The following CFAP221 variants were observed in gnomAD, a reference collection of about 807,000 sequenced individuals.
CFAP221 encodes the protein cilia and flagella associated protein 221.
Under a neutral mutation model 113.1 loss-of-function variants are expected in CFAP221, and 97 were observed. That is an observed-to-expected ratio of 0.86 (90% confidence interval 0.73 to 1.02). The LOEUF is 1.02. Ranked by LOEUF, CFAP221 falls within the 50% of genes least tolerant of loss-of-function variation. The pLI is 0.00. For synonymous variants in CFAP221, 331 were observed against 354.4 expected (o/e 0.93, Z 0.74); for missense variants, 1,025 against 1,013.4 (o/e 1.01, Z -0.16).
At chr2:119,547,801 G>A (rs1017087625) in intron 2 of CFAP221, among the ~76,000 whole-genome samples, 1 of 152,068 alleles carries the variant, frequency 6.6e-6, no homozygotes, top group African/African-American at 2.4e-5. Context: ...ATGTATCCTA[G>A]AATTATGATG....
intron 5 of CFAP221, among the ~76,000 whole-genome samples, chr2:119,561,604 C>G (rs1681248962): frequency 6.7e-6 from 1 of 150,312 alleles, no homozygotes; most frequent in South Asian, 2.1e-4. Context: ...AGACAAGAAG[C>G]AAGTTTCTGT....
Position 119,639,989 on chromosome 2 carries a change from G to T in CFAP221, c.2225+117G>T, listed in dbSNP as rs530674481. On this transcript the variant is annotated intron_variant, in intron 21 of 23. Coordinates refer to ENST00000413369, the MANE Select transcript of CFAP221 (RefSeq NM_001271049.2). ...CAAACCATACTTTTAAAGCATGAGA[G>T]AAGTTTGCTAGTCAAAGAAATTTGA... 20 of 843,848 alleles carry T rather than the reference G, an allele frequency of 2.4e-5. No homozygotes were observed. In the East Asian group the frequency reaches 5.2e-4, roughly 22 times the overall value. 52.3% of individuals were successfully genotyped at this position (843,848 alleles called of 1,614,324 possible). A position where few individuals can be genotyped will look rare whatever the true frequency, so the allele number is the denominator to read the frequency against.
At chr2:119,572,643 A>T (rs1682149724) in intron 6 of CFAP221, 3 of 686,986 alleles carry the variant, frequency 4.4e-6, no homozygotes, top group Non-Finnish European at 8.0e-6. Context: ...CCTTGCACCA[A>T]GATGACTTTA....
At chr2:119,656,012 T>C (rs1574250855) in intron 23 of CFAP221, 1 of 260,466 alleles carries the variant, frequency 3.8e-6, no homozygotes, top group Admixed American at 4.8e-5. Flanking sequence ...ACTGAGCACT[T>C]AGAAGACCTC....
At chr2:119,639,631 CT>C (rs1687357075) in intron 20 of CFAP221, 149 bp from the exon 21 acceptor site, 1 of 644,482 alleles carries the variant, frequency 1.6e-6, no homozygotes, top group East Asian at 2.8e-5. Flanking sequence ...AAGCAATTGC[CT>C]TTTTGCTTCA....
chr2:119,639,811 A>T lies in CFAP221; in HGVS notation c.2164A>T (p.Ser722Cys), dbSNP rs768658669. ...DIIPGIMHWK[S>C]FQSLVLSSLP... is the part of the protein sequence containing the mutation. ...TATTCCCGGAATAATGCACTGGAAAAGCTTCCAGTCCCTGGTTCTCTCCTC... is the reference window on the plus strand; with the variant it reads ...TATTCCCGGAATAATGCACTGGAAATGCTTCCAGTCCCTGGTTCTCTCCTC... The change falls in exon 21 of 24, where the codon AGC (serine) becomes TGC (cysteine). Residue 722 changes from serine (S) to cysteine (C), a missense_variant. Ser to Cys is a moderately radical substitution (Grantham distance 112). Transcript: ENST00000413369. 1 of 1,614,120 alleles carries T rather than the reference A, an allele frequency of 6.2e-7. No individual in the cohort carries two copies. The highest frequency in any genetic ancestry group is 8.5e-7 in the Non-Finnish European group (1 of 1,179,992).
chr2:119,564,097 A>G (rs1681453490), intron 6 of CFAP221, among the ~76,000 whole-genome samples: 1 of 152,230 alleles, frequency 6.6e-6, no homozygotes, highest in Non-Finnish European at 1.5e-5. Context: ...GGCAGCACTG[A>G]GCAGGGGACT....
chr2:119,625,259 A>G (rs1044413397), intron 14 of CFAP221, among the ~76,000 whole-genome samples: 2 of 152,212 alleles, frequency 1.3e-5, no homozygotes, highest in African/African-American at 4.8e-5. Context: ...TAGCATTACT[A>G]TTCAGACATA....
chr2:119,586,354 C>T (rs1321121525), intron 6 of CFAP221, among the ~76,000 whole-genome samples: 1 of 152,162 alleles, frequency 6.6e-6, no homozygotes, highest in African/African-American at 2.4e-5. Flanking sequence ...CTCTGGCTGA[C>T]TTGGATTGCC....
At position 119,612,589 on chromosome 2, in the gene CFAP221, A is replaced by T. The variant is rs146734434; in HGVS notation, c.1311+847A>T. 3.6e-3 allele frequency among the ~76,000 whole-genome samples: 542 copies of T among 152,342 alleles called. 6 individuals carry two copies. The highest frequency in any genetic ancestry group is 0.012 in the African/African-American group (513 of 41,572). On this transcript the variant is annotated intron_variant, in intron 13 of 23. Coordinates refer to ENST00000413369, the MANE Select transcript of CFAP221 (RefSeq NM_001271049.2). ...ATTATGGGAACTACAATTCAAGATGAGATTTAGATGGGGACATGGCCAAAC... is the reference window on the plus strand; with the variant it reads ...ATTATGGGAACTACAATTCAAGATGTGATTTAGATGGGGACATGGCCAAAC...
chr2:119,581,642 G>C (rs1008740987), intron 6 of CFAP221, among the ~76,000 whole-genome samples: 7 of 152,216 alleles, frequency 4.6e-5, no homozygotes, highest in African/African-American at 1.4e-4. Context: ...GGAGAGAGTG[G>C]AGGGAATGGT....
intron 7 of CFAP221, among the ~76,000 whole-genome samples, chr2:119,592,498 A>G (rs1486550472): frequency 6.6e-6 from 1 of 152,140 alleles, no homozygotes; most frequent in African/African-American, 2.4e-5. Context: ...TGTCTATAGC[A>G]TTTATATTCT....
chr2:119,643,462 T>C (rs1423010338), intron 21 of CFAP221, among the ~76,000 whole-genome samples: 2 of 152,238 alleles, frequency 1.3e-5, no homozygotes, highest in Non-Finnish European at 2.9e-5. Context: ...CTTTCTGATT[T>C]CATAGATGAG....
At chr2:119,586,183 G>A (rs1207307477) in intron 6 of CFAP221, among the ~76,000 whole-genome samples, 1 of 152,150 alleles carries the variant, frequency 6.6e-6, no homozygotes, top group African/African-American at 2.4e-5. Context: ...GGCTTAACGA[G>A]AAGGGAGGGG....
chr2:119,568,441 A>G (rs1681798417), intron 6 of CFAP221, among the ~76,000 whole-genome samples: 1 of 152,082 alleles, frequency 6.6e-6, no homozygotes, highest in African/African-American at 2.4e-5. Context: ...TCACCTAGGT[A>G]TTAAGCCCAG....
intron 11 of CFAP221, among the ~76,000 whole-genome samples, chr2:119,607,172 A>G (rs1401708361): frequency 6.6e-6 from 1 of 152,224 alleles, no homozygotes; most frequent in Non-Finnish European, 1.5e-5. Flanking sequence ...TATAAAAATG[A>G]AATAGAGACA....
chr2:119,650,209 A>G (rs1456808084), intron 22 of CFAP221, among the ~76,000 whole-genome samples: 2 of 152,226 alleles, frequency 1.3e-5, no homozygotes, highest in African/African-American at 2.4e-5. Flanking sequence ...ATATTTTTAC[A>G]AGTAAGTAAT....
At chr2:119,581,935 A>C (rs1417276535) in intron 6 of CFAP221, among the ~76,000 whole-genome samples, 2 of 152,014 alleles carry the variant, frequency 1.3e-5, no homozygotes, top group East Asian at 3.9e-4. Flanking sequence ...AAAAAAAGAG[A>C]AACCTTAAAA....
intron 12 of CFAP221, among the ~76,000 whole-genome samples, chr2:119,610,900 A>G (rs1036098095): frequency 6.6e-6 from 1 of 152,194 alleles, no homozygotes; most frequent in African/African-American, 2.4e-5. Flanking sequence ...ACCTGGGCAG[A>G]CACATATAGA....
Sources: allele counts gnomAD v4.1 joint callset (sites outside exome capture counted in the v4.1 genomes callset), GRCh38; gene constraint gnomAD v4.1.1; transcripts MANE v1.5; gene names NCBI Gene and HGNC (gene_info 2026-07-23, HGNC 2026-07-21).